The following EPB41 variants were observed in gnomAD, a reference collection of about 807,000 sequenced individuals.
EPB41 encodes protein 4.1.
Under a neutral mutation model 108.0 loss-of-function variants are expected in EPB41, and 65 were observed. The ratio of observed to expected loss-of-function variants is 0.60; its 90% CI spans 0.49 to 0.74. The LOEUF is 0.74. EPB41 is among the 30% of genes least tolerant of loss of function. The pLI is 0.00. For synonymous variants in EPB41, 336 were observed against 358.9 expected, an observed-to-expected ratio of 0.94 and a Z score of 0.72; for missense variants, 875 against 1,037.0, an observed-to-expected ratio of 0.84 and a Z score of 2.15.
chr1:28,978,870 A>G (rs948225791), intron 1 of EPB41, among the ~76,000 whole-genome samples: 1 of 151,414 alleles, frequency 6.6e-6, no homozygotes, highest in South Asian at 2.1e-4. Flanking sequence ...TATACCATCA[A>G]CTTTTCTGGT....
chr1:29,081,360 T>A (rs556506215), intron 16 of EPB41, among the ~76,000 whole-genome samples: 1 of 152,312 alleles, frequency 6.6e-6, no homozygotes, highest in Admixed American at 6.5e-5. Flanking sequence ...GTATTGCCAC[T>A]CTAATCTTAC....
rs2095609586 is a variant in EPB41, at chr1:28,976,427, T to C, written c.-7-11004T>C. Among the ~76,000 whole-genome samples the C allele has an allele frequency of 2.0e-5, 3 of 152,168 alleles. No homozygotes were observed. The South Asian group carries it at 6.2e-4, about 32-fold the overall frequency. On this transcript the variant is annotated intron_variant, in intron 1 of 20. Coordinates refer to ENST00000343067, the MANE Select transcript of EPB41 (RefSeq NM_001376013.1). The stretch of plus-strand genomic sequence containing the variant: ...TGGAGTGTAATGGCAGGATCATGAC[T>C]CACTGTAGCCTTGACCTCTGAGGCT...
chr1:29,013,302 C>A (rs1266152724), intron 5 of EPB41, among the ~76,000 whole-genome samples: 2 of 146,344 alleles, frequency 1.4e-5, no homozygotes, highest in African/African-American at 2.5e-5. Context: ...TCCAGCCTGG[C>A]GACAGAGCAA....
intron 1 of EPB41, among the ~76,000 whole-genome samples, chr1:28,923,106 CTTTTCTTTTTTTTT>C (rs1257437566): frequency 5.4e-4 from 62 of 114,726 alleles, no homozygotes; most frequent in African/African-American, 2.0e-3. Flanking sequence ...CCTTTCTTTT[CTTTTCTTTTTTTTT>C]TTTTTTTTTT....
At position 29,045,520 on chromosome 1, in the gene EPB41, A is replaced by ATT. The variant is rs757532981; in HGVS notation, c.1636+6110_1636+6111dup. 2.3e-4 allele frequency among the ~76,000 whole-genome samples: 31 copies of ATT among 137,204 alleles called. No homozygotes were observed. The East Asian group carries it at 4.5e-3, about 20-fold the overall frequency. 90.0% of individuals were successfully genotyped at this position (137,204 alleles called of 152,430 possible). A position where few individuals can be genotyped will look rare whatever the true frequency, so the allele number is the denominator to read the frequency against. On this transcript the variant is annotated intron_variant, in intron 11 of 20. Transcript: ENST00000343067. ...AGGTGCATGCCACCATGCCCAGCTA[A>ATT]TTTTTTTTTTTTTTTTTAGAGACAG...
chr1:29,005,640 A>G (rs2096387401), intron 4 of EPB41, among the ~76,000 whole-genome samples: 1 of 152,202 alleles, frequency 6.6e-6, no homozygotes. Flanking sequence ...TAGCAGTAAG[A>G]TGGACACCCA....
chr1:29,005,013 A>G (rs1411343596), intron 4 of EPB41, among the ~76,000 whole-genome samples: 1 of 152,178 alleles, frequency 6.6e-6, no homozygotes. Context: ...TTAAAACATT[A>G]TGACCTAAGG....
Position 29,056,782 on chromosome 1 carries a change from TC to T in EPB41, c.1846-1804del, listed in dbSNP as rs544441969. On this transcript the variant is annotated intron_variant, in intron 12 of 20. Transcript: ENST00000343067. ...CTCAGGTGATCCGCCCACCTCGGCC[TC>T]CCAAAGTGCTGAGATTACAGGCGTG... 1.9e-3 allele frequency among the ~76,000 whole-genome samples: 285 copies of T among 152,194 alleles called. 1 individual carries two copies. The highest frequency in any genetic ancestry group is 6.5e-3 in the African/African-American group (272 of 41,536).
intron 16 of EPB41, chr1:29,069,405 A>G (rs1650156894): frequency 2.4e-6 from 3 of 1,228,592 alleles, no homozygotes; most frequent in Non-Finnish European, 3.0e-6. Context: ...TGTCTAAAGC[A>G]TTTGCTTAAA....
At chr1:29,089,545 G>A (rs1660448335) in intron 16 of EPB41, among the ~76,000 whole-genome samples, 1 of 152,176 alleles carries the variant, frequency 6.6e-6, no homozygotes, top group Admixed American at 6.6e-5. Flanking sequence ...AAGAGGACTG[G>A]TATCTAAACA....
At position 28,937,154 on chromosome 1, in the gene EPB41, G is replaced by A. The variant is rs371326737; in HGVS notation, c.-8+22386G>A. Among the ~76,000 whole-genome samples, 27 of 152,238 alleles carry A rather than the reference G, an allele frequency of 1.8e-4. No individual in the cohort carries two copies. In the East Asian group the frequency reaches 2.1e-3, roughly 12 times the overall value. ...CATAGGGGTTTTGAATTGCATTTCC[G>A]TAATGACTAATGATGTTGAACACCT... On this transcript the variant is annotated intron_variant, in intron 1 of 20. Coordinates refer to ENST00000343067, the MANE Select transcript of EPB41 (RefSeq NM_001376013.1).
chr1:29,024,600 C>G (rs2096694968), intron 7 of EPB41, among the ~76,000 whole-genome samples: 1 of 151,360 alleles, frequency 6.6e-6, no homozygotes, highest in Non-Finnish European at 1.5e-5. Flanking sequence ...ACCACTGCAC[C>G]CCAGCTGGGC....
rs939348091 is a variant in EPB41, at chr1:28,940,600, C to T, written c.-8+25832C>T. On this transcript the variant is annotated intron_variant, in intron 1 of 20. Transcript: ENST00000343067. ...CCGGGAGGCGGAGGTTGCAGTGAGT[C>T]GAGATCGCGCCATTGCACTCCAGCC... Among the ~76,000 whole-genome samples, 9 of 152,122 alleles carry T rather than the reference C, an allele frequency of 5.9e-5. No individual in the cohort carries two copies. In the South Asian group the frequency reaches 1.0e-3, roughly 18 times the overall value.
intron 16 of EPB41, chr1:29,096,129 T>G: frequency 2.0e-6 from 2 of 985,216 alleles, no homozygotes; most frequent in Non-Finnish European, 2.4e-6. Flanking sequence ...ATCTTCTTGC[T>G]TTTGTATCTG....
chr1:29,056,246 A>C (rs1309766341), intron 12 of EPB41, among the ~76,000 whole-genome samples: 1 of 151,562 alleles, frequency 6.6e-6, no homozygotes, highest in Non-Finnish European at 1.5e-5. Context: ...AAAAAAAAAA[A>C]ACAAAAAACA....
chr1:29,113,418 G>C (rs1482060699), intron 19 of EPB41, among the ~76,000 whole-genome samples: 1 of 152,244 alleles, frequency 6.6e-6, no homozygotes, highest in Non-Finnish European at 1.5e-5. Context: ...TTACAGCTGA[G>C]AATAGTGGAC....
intron 16 of EPB41, chr1:29,070,633 C>G: frequency 1.6e-6 from 2 of 1,232,030 alleles, no homozygotes; most frequent in Non-Finnish European, 2.0e-6. Flanking sequence ...ACAGGGTGCT[C>G]ATCTGAAATG....
At chr1:28,995,278 T>A (rs1431234293) in intron 3 of EPB41, among the ~76,000 whole-genome samples, 1 of 151,876 alleles carries the variant, frequency 6.6e-6, no homozygotes, top group Non-Finnish European at 1.5e-5. Context: ...TCAGAATATT[T>A]TGAGGCCGGG....
chr1:28,972,247 GAAAT>G (rs1371753385), intron 1 of EPB41, among the ~76,000 whole-genome samples: 1 of 152,176 alleles, frequency 6.6e-6, no homozygotes, highest in African/African-American at 2.4e-5. Context: ...ACACTTAAAA[GAAAT>G]AAAACTCAAT....
Sources: gnomAD v4.1 joint callset for allele counts (sites outside exome capture counted in the v4.1 genomes callset) on GRCh38, gnomAD v4.1.1 for gene constraint, MANE v1.5 for transcripts, NCBI Gene and HGNC (gene_info 2026-07-23, HGNC 2026-07-21) for gene names.